Variants in PDE4B observed in about 807,000 individuals in gnomAD.
The protein encoded by PDE4B is phosphodiesterase 4B.
In PDE4B, 20 loss-of-function variants were observed where a neutral mutation model predicts 82.2. That is an observed-to-expected ratio of 0.24 (90% CI 0.17 to 0.35). The LOEUF (loss-of-function observed/expected upper bound fraction) is 0.35, where lower values mean the gene tolerates loss of function less well. Among genes scored for constraint, PDE4B ranks in the 10% least tolerant of loss-of-function variants. PDE4B has a pLI of 1.00. For missense variants in PDE4B, 655 were observed against 907.2 expected (o/e 0.72, Z 3.57); for synonymous variants, 320 against 318.9 (o/e 1.00, Z -0.04).
At chr1:65,882,392 C>T (rs1175593857) in intron 1 of PDE4B, among the ~76,000 whole-genome samples, 1 of 152,188 alleles carries the variant, frequency 6.6e-6, no homozygotes, top group Non-Finnish European at 1.5e-5. Context: ...AATTTAAACT[C>T]AGCTGGGTTG....
intron 3 of PDE4B, among the ~76,000 whole-genome samples, chr1:65,938,764 T>C (rs1022134268): frequency 1.3e-5 from 2 of 152,156 alleles, no homozygotes; most frequent in Non-Finnish European, 2.9e-5. Flanking sequence ...GAGGAAACTA[T>C]TTTTAGTTTT....
intron 3 of PDE4B, among the ~76,000 whole-genome samples, chr1:66,169,545 G>C (rs898534007): frequency 2.0e-5 from 3 of 152,176 alleles, no homozygotes; most frequent in African/African-American, 4.8e-5. Flanking sequence ...ATCTGACCCC[G>C]TGTGTTAGGT....
intron 3 of PDE4B, among the ~76,000 whole-genome samples, chr1:66,177,885 TG>T (rs1236544656): frequency 6.6e-6 from 1 of 152,128 alleles, no homozygotes; most frequent in African/African-American, 2.4e-5. Flanking sequence ...TGGTGGGCAT[TG>T]TTTTTTTTAG....
At chr1:65,883,718 C>T (rs1452535201) in intron 1 of PDE4B, among the ~76,000 whole-genome samples, 2 of 152,126 alleles carry the variant, frequency 1.3e-5, no homozygotes, top group African/African-American at 4.8e-5. Context: ...TGAGAGAGGG[C>T]ATCCCTGTCT....
Position 65,894,307 on chromosome 1 carries a change from G to T in PDE4B, c.-70-18938G>T, listed in dbSNP as rs1378407674. On this transcript the variant is annotated intron_variant, in intron 1 of 16. Coordinates refer to ENST00000341517, the MANE Select transcript of PDE4B (RefSeq NM_002600.4). Reference sequence around the variant, plus strand: ...AAGTAACTTAAAGAGGAAAAAGGTAGTATTTTCAACAATTAATGTTGGATG... The same window carrying T: ...AAGTAACTTAAAGAGGAAAAAGGTATTATTTTCAACAATTAATGTTGGATG... Among the ~76,000 whole-genome samples the T allele has an allele frequency of 5.9e-5, 9 of 152,138 alleles. No homozygotes were observed. In the East Asian group the frequency reaches 1.7e-3, roughly 29 times the overall value.
rs185958141 is a variant in PDE4B at position 66,276,655 on chromosome 1, T to C, written c.634+10568T>C. Among the ~76,000 whole-genome samples, 8 of 152,398 alleles carry C rather than the reference T, an allele frequency of 5.2e-5. No homozygotes were observed. In the East Asian group the frequency reaches 1.5e-3, roughly 29 times the overall value. ...TCCATTATTCATTCATTAATGTATT[T>C]AATAAACGTGTTAAATTCATACTGT... is the stretch of plus-strand genomic sequence containing the variant. On this transcript the variant is annotated intron_variant, in intron 7 of 16. Coordinates refer to ENST00000341517, the MANE Select transcript of PDE4B (RefSeq NM_002600.4).
In PDE4B at chr1:66,144,752, G is replaced by A. The variant is rs566315383; in HGVS notation, c.282-102708G>A. Among the ~76,000 whole-genome samples the A allele has an allele frequency of 1.8e-4, 28 of 152,242 alleles. No homozygotes were observed. The South Asian group carries it at 4.6e-3, about 25-fold the overall frequency. ...TATTCAACCTGTACATTAGTGCTGC[G>A]GAATAAAAGAGGCCATGGTACTTTT... On this transcript the variant is annotated intron_variant, in intron 3 of 16. Coordinates refer to ENST00000341517, the MANE Select transcript of PDE4B (RefSeq NM_002600.4).
intron 8 of PDE4B, among the ~76,000 whole-genome samples, chr1:66,333,467 TACAC>T (rs34525171): frequency 7.9e-5 from 12 of 150,970 alleles, no homozygotes; most frequent in African/African-American, 1.5e-4. Flanking sequence ...TATGTGTGTG[TACAC>T]ACACACACAC....
At chr1:65,985,471 A>C (rs1306690604) in intron 3 of PDE4B, among the ~76,000 whole-genome samples, 2 of 152,230 alleles carry the variant, frequency 1.3e-5, no homozygotes, top group Non-Finnish European at 2.9e-5. Context: ...AGTAGGAAAT[A>C]ATAAAAAGAT....
intron 7 of PDE4B, among the ~76,000 whole-genome samples, chr1:66,287,035 A>G (rs1252764200): frequency 6.6e-6 from 1 of 152,170 alleles, no homozygotes; most frequent in South Asian, 2.1e-4. Flanking sequence ...GACACTGACT[A>G]TGTGTGTAGC....
intron 3 of PDE4B, among the ~76,000 whole-genome samples, chr1:66,126,177 G>T (rs1216305714): frequency 6.6e-6 from 1 of 152,184 alleles, no homozygotes; most frequent in Non-Finnish European, 1.5e-5. Context: ...GGAGCTTATA[G>T]TCTTAGTCAC....
chr1:66,164,142 G>C (rs1646672364), intron 3 of PDE4B, among the ~76,000 whole-genome samples: 1 of 152,122 alleles, frequency 6.6e-6, no homozygotes, highest in Non-Finnish European at 1.5e-5. Context: ...CAAAAAGAGA[G>C]CCATTTGCAG....
chr1:66,130,693 A>C (rs926187015), intron 3 of PDE4B, among the ~76,000 whole-genome samples: 1 of 152,072 alleles, frequency 6.6e-6, no homozygotes, highest in Non-Finnish European at 1.5e-5. Flanking sequence ...CCCTATACTC[A>C]ATTTTGAACT....
At chr1:66,245,749 G>C (rs1339667968) in intron 3 of PDE4B, among the ~76,000 whole-genome samples, 1 of 152,182 alleles carries the variant, frequency 6.6e-6, no homozygotes, top group Admixed American at 6.5e-5. Flanking sequence ...ATATTGGATT[G>C]TTATAGCTTT....
intron 3 of PDE4B, among the ~76,000 whole-genome samples, chr1:66,201,344 G>A (rs1342137525): frequency 1.3e-5 from 2 of 152,084 alleles, no homozygotes; most frequent in African/African-American, 2.4e-5. Context: ...TTGGTATCAG[G>A]ATGATGCTGG....
intron 3 of PDE4B, among the ~76,000 whole-genome samples, chr1:65,969,608 A>G (rs1326112184): frequency 4.6e-5 from 7 of 152,180 alleles, no homozygotes; most frequent in South Asian, 4.1e-4. Context: ...GATCTACTGC[A>G]TTGTACTACA....
At chr1:66,220,478 C>T (rs1650887181) in intron 3 of PDE4B, among the ~76,000 whole-genome samples, 1 of 152,058 alleles carries the variant, frequency 6.6e-6, no homozygotes, top group South Asian at 2.1e-4. Flanking sequence ...GATATCAAAA[C>T]TGATTATTGA....
chr1:66,153,412 T>C (rs1646441619), intron 3 of PDE4B, among the ~76,000 whole-genome samples: 1 of 152,214 alleles, frequency 6.6e-6, no homozygotes, highest in Non-Finnish European at 1.5e-5. Flanking sequence ...CTGCTTTGCA[T>C]TATTTGTAAA....
At chr1:65,818,036 C>T (rs1056112685) in intron 1 of PDE4B, among the ~76,000 whole-genome samples, 2 of 152,172 alleles carry the variant, frequency 1.3e-5, no homozygotes, top group Non-Finnish European at 2.9e-5. Context: ...TCAGCTGTCA[C>T]TGTTATTGAT....
Sources: allele counts gnomAD v4.1 joint callset (sites outside exome capture counted in the v4.1 genomes callset), GRCh38; gene constraint gnomAD v4.1.1; transcripts MANE v1.5; gene names NCBI Gene and HGNC (gene_info 2026-07-23, HGNC 2026-07-21).